The following PTPN22 variants were observed in gnomAD, a reference collection of about 807,000 sequenced individuals.
PTPN22 encodes the protein tyrosine-protein phosphatase non-receptor type 22.
In PTPN22, 85 loss-of-function variants were observed where a neutral mutation model predicts 103.3. The ratio of observed to expected loss-of-function variants is 0.82; its 90% CI spans 0.69 to 0.99. The LOEUF is 0.99. PTPN22 is among the 50% of genes least tolerant of loss of function. The probability of loss-of-function intolerance (pLI) is 0.00; values close to 1 mark genes in which losing one functional copy is unlikely to be tolerated. For synonymous variants in PTPN22, 323 were observed against 310.2 expected (o/e 1.04, Z -0.43); for missense variants, 865 against 936.9 (o/e 0.92, Z 1.00).
intron 5 of PTPN22, chr1:113,857,529 A>T: frequency 6.2e-6 from 3 of 483,352 alleles, no homozygotes; most frequent in Non-Finnish European, 1.1e-5. Flanking sequence ...TTAACTGTAA[A>T]ACATAGGGTC....
intron 19 of PTPN22, among the ~76,000 whole-genome samples, chr1:113,824,487 A>G (rs1209419275): frequency 6.6e-6 from 1 of 152,228 alleles, no homozygotes; most frequent in Non-Finnish European, 1.5e-5. Context: ...TTTTATTTTC[A>G]TTACAACGTA....
At chr1:113,816,545 G>A (rs749983156) in intron 20 of PTPN22, among the ~76,000 whole-genome samples, 35 of 152,092 alleles carry the variant, frequency 2.3e-4, no homozygotes, top group Non-Finnish European at 4.6e-4. Flanking sequence ...AGCACTTTTG[G>A]AGGTGAGTAT....
chr1:113,835,788 C>G (rs758149991), intron 13 of PTPN22, among the ~76,000 whole-genome samples: 22 of 152,060 alleles, frequency 1.4e-4, no homozygotes, highest in Non-Finnish European at 2.4e-4. Context: ...TTCCATTTTA[C>G]AAAACAACAG....
At chr1:113,850,003 G>A (rs538923141) in intron 10 of PTPN22, among the ~76,000 whole-genome samples, 1 of 152,110 alleles carries the variant, frequency 6.6e-6, no homozygotes, top group Admixed American at 6.5e-5. Context: ...AGACCAGCCT[G>A]GCCAGCATGG....
intron 20 of PTPN22, among the ~76,000 whole-genome samples, chr1:113,816,044 A>C (rs1661120106): frequency 6.6e-6 from 1 of 152,218 alleles, no homozygotes; most frequent in Non-Finnish European, 1.5e-5. Flanking sequence ...TAAGAAATGA[A>C]ATGTTTGAAG....
chr1:113,815,859 A>G (rs1178560740), intron 20 of PTPN22, among the ~76,000 whole-genome samples: 1 of 152,054 alleles, frequency 6.6e-6, no homozygotes, highest in Non-Finnish European at 1.5e-5. Context: ...TTGTATTTTT[A>G]GTAGAGATGG....
chr1:113,819,021 C>CA (rs1661377622), intron 20 of PTPN22, among the ~76,000 whole-genome samples: 1 of 152,106 alleles, frequency 6.6e-6, no homozygotes, highest in Non-Finnish European at 1.5e-5. Context: ...GCTATTCTTA[C>CA]AAAAAATTAT....
chr1:113,855,612 C>T (rs1293179779), intron 7 of PTPN22, among the ~76,000 whole-genome samples: 1 of 151,940 alleles, frequency 6.6e-6, no homozygotes, highest in Non-Finnish European at 1.5e-5. Flanking sequence ...AACAGTCCGG[C>T]ATACTAAGTT....
chr1:113,866,874 G>A (rs903478513), intron 1 of PTPN22, among the ~76,000 whole-genome samples: 3 of 151,978 alleles, frequency 2.0e-5, no homozygotes, highest in African/African-American at 7.3e-5. Context: ...CAGCCTCCCA[G>A]GTAGCTGGGA....
intron 13 of PTPN22, 92 bp downstream of exon 13, chr1:113,837,498 A>G: frequency 1.2e-6 from 1 of 847,240 alleles, no homozygotes; most frequent in Non-Finnish European, 1.8e-6. Context: ...GAGAAGAAGC[A>G]GAGGAGAAGA....
intron 1 of PTPN22, among the ~76,000 whole-genome samples, chr1:113,867,999 T>C (rs1251466325): frequency 1.3e-5 from 2 of 152,248 alleles, no homozygotes; most frequent in Non-Finnish European, 2.9e-5. Context: ...AAATCATCTC[T>C]ACATTACTTA....
chr1:113,829,466 T>G lies in PTPN22; in HGVS notation c.2250+126A>C, dbSNP rs115120391. On this transcript the variant is annotated intron_variant, in intron 18 of 20. Transcript: ENST00000359785. ...GTTTCCTTCTATTAATTTTGACTGT[T>G]ATAATATCAACAATTAGTTTTAATA... 457 of 551,014 alleles carry G rather than the reference T, an allele frequency of 8.3e-4. 5 individuals carry two copies. The highest frequency in any genetic ancestry group is 7.6e-3 in the African/African-American group (402 of 52,556). 34.1% of individuals were successfully genotyped at this position (551,014 alleles called of 1,614,324 possible). A position where few individuals can be genotyped will look rare whatever the true frequency, so the allele number is the denominator to read the frequency against.
At chr1:113,871,471 T>G in intron 1 of PTPN22, 66 bp downstream of exon 1, 1 of 1,360,026 alleles carries the variant, frequency 7.4e-7, no homozygotes, top group Non-Finnish European at 1.0e-6. Context: ...TCTCGGAAAA[T>G]TGGACCCCCA....
At chr1:113,871,702 A>G (rs1316141169) in exon 1 of PTPN22, 5 of 1,257,862 alleles carry the variant, frequency 4.0e-6, no homozygotes, top group Non-Finnish European at 5.8e-6. Flanking sequence ...AGACACCTCC[A>G]AAAAGCCACT....
At chr1:113,816,607 T>C (rs902531070) in intron 20 of PTPN22, among the ~76,000 whole-genome samples, 19 of 151,926 alleles carry the variant, frequency 1.3e-4, no homozygotes, top group African/African-American at 3.9e-4. Flanking sequence ...ACTCAAATGT[T>C]GCTTAAATTT....
chr1:113,854,934 T>A, exon 8 of PTPN22: 1 of 1,613,454 alleles, frequency 6.2e-7, no homozygotes, highest in African/African-American at 1.3e-5. Context: ...GGGAACACTG[T>A]CATCCTCTTG....
intron 1 of PTPN22, among the ~76,000 whole-genome samples, chr1:113,868,255 T>C (rs1187983582): frequency 6.6e-6 from 1 of 152,124 alleles, no homozygotes; most frequent in Non-Finnish European, 1.5e-5. Flanking sequence ...GTAAAGGGGT[T>C]AGGATGCTCA....
chr1:113,834,878 A>G, intron 14 of PTPN22, 32 bp downstream of exon 14: 1 of 1,477,370 alleles, frequency 6.8e-7, no homozygotes, highest in Non-Finnish European at 9.2e-7. Context: ...CCCATCCCAC[A>G]CTTTATTTTA....
chr1:113,853,859 CTTTTT>C (rs894010114), intron 9 of PTPN22, among the ~76,000 whole-genome samples: 1 of 67,150 alleles, frequency 1.5e-5, no homozygotes, highest in African/African-American at 6.6e-5. Flanking sequence ...TTTTTTTTTG[CTTTTT>C]TTTTTTTTTT....
Sources: gnomAD v4.1 joint callset for allele counts (sites outside exome capture counted in the v4.1 genomes callset) on GRCh38, gnomAD v4.1.1 for gene constraint, MANE v1.5 for transcripts, NCBI Gene and HGNC (gene_info 2026-07-23, HGNC 2026-07-21) for gene names.